FHAD1: variants seen among roughly 807,000 people sequenced by gnomAD.
The protein encoded by FHAD1 is forkhead-associated domain-containing protein 1.
A neutral mutation model predicts 191.3 loss-of-function variants in FHAD1; 146 were observed. The observed-to-expected ratio is 0.76, with a 90% confidence interval of 0.67 to 0.88. FHAD1 has a LOEUF of 0.88. Ranked by LOEUF, FHAD1 falls within the 40% of genes least tolerant of loss-of-function variation. The probability of loss-of-function intolerance (pLI) is 0.00; values close to 1 mark genes in which losing one functional copy is unlikely to be tolerated. For missense variants in FHAD1, 1,635 were observed against 1,785.8 expected (o/e 0.92, Z 1.52); for synonymous variants, 616 against 672.3 (o/e 0.92, Z 1.29).
intron 31 of FHAD1, among the ~76,000 whole-genome samples, chr1:15,386,849 C>CTTTTTTT (rs59453670): frequency 2.2e-4 from 32 of 144,194 alleles, no homozygotes; most frequent in African/African-American, 7.8e-4. Flanking sequence ...TCCTTTCTTT[C>CTTTTTTT]TTTTTTTTTT....
At chr1:15,309,385 C>T (rs913505084) in intron 7 of FHAD1, among the ~76,000 whole-genome samples, 4 of 152,224 alleles carry the variant, frequency 2.6e-5, no homozygotes, top group Non-Finnish European at 5.9e-5. Flanking sequence ...CAGTCAAGAT[C>T]CCTCTGCCCC....
intron 14 of FHAD1, among the ~76,000 whole-genome samples, chr1:15,338,266 G>T (rs1265145536): frequency 6.6e-6 from 1 of 152,164 alleles, no homozygotes; most frequent in African/African-American, 2.4e-5. Context: ...CTGGGCTAAA[G>T]TTCCTTCCGG....
intron 6 of FHAD1, among the ~76,000 whole-genome samples, chr1:15,305,503 C>T (rs1189822575): frequency 2.0e-5 from 3 of 152,184 alleles, no homozygotes; most frequent in Non-Finnish European, 4.4e-5. Context: ...CAAGCAACCT[C>T]ACCCCTCTGA....
At chr1:15,338,015 C>T (rs75509101) in intron 14 of FHAD1, among the ~76,000 whole-genome samples, 2,386 of 152,254 alleles carry the variant, frequency 0.016, 82 homozygotes, top group African/African-American at 0.054. Context: ...AGTGTCACGG[C>T]TTGACCTCAC....
At chr1:15,285,809 G>A (rs888765703) in intron 3 of FHAD1, among the ~76,000 whole-genome samples, 15 of 152,198 alleles carry the variant, frequency 9.9e-5, no homozygotes, top group African/African-American at 3.1e-4. Context: ...AGTGTCCATG[G>A]ACAGATGAAT....
At chr1:15,362,495 G>A (rs1695128499) in intron 22 of FHAD1, 147 bp from the exon 23 acceptor site, 3 of 669,548 alleles carry the variant, frequency 4.5e-6, no homozygotes, top group Non-Finnish European at 8.1e-6. Flanking sequence ...CCCCCAGCCT[G>A]TGACATGGCA....
Position 15,247,240 on chromosome 1 carries a change from C to A in FHAD1, c.-170C>A. ...CTGGCGGCGTTGCCATGGCAACGCG[C>A]GTACACAGGCCGGCCGGGCGGGCGG... is the stretch of plus-strand genomic sequence containing the variant. On this transcript the variant is annotated 5_prime_UTR_variant, in exon 1 of 34. Transcript: ENST00000688493. The A allele has an allele frequency of 5.6e-6, 1 of 177,116 alleles. No homozygotes were observed. The highest frequency in any genetic ancestry group is 7.8e-5 in the South Asian group (1 of 12,802). The allele number at this position is 177,116 out of a possible 1,614,324, so 11.0% of individuals were successfully genotyped here.
intron 4 of FHAD1, among the ~76,000 whole-genome samples, chr1:15,293,577 G>A (rs963245213): frequency 2.0e-5 from 3 of 152,146 alleles, no homozygotes; most frequent in Admixed American, 6.6e-5. Context: ...AATTAGCTGG[G>A]TGTGGTGGCA....
chr1:15,261,877 C>T (rs1007023167), intron 2 of FHAD1, among the ~76,000 whole-genome samples: 7 of 152,134 alleles, frequency 4.6e-5, no homozygotes, highest in African/African-American at 7.2e-5. Flanking sequence ...AGGTGCCTGT[C>T]GTCCCAGGCA....
intron 26 of FHAD1, 67 bp from the exon 27 acceptor site, chr1:15,374,435 T>G: frequency 6.5e-7 from 1 of 1,539,600 alleles, no homozygotes; most frequent in Non-Finnish European, 8.8e-7. Flanking sequence ...ATTGTTCACA[T>G]TTCTGTGAAT....
chr1:15,256,800 C>T (rs1039706148), intron 2 of FHAD1, among the ~76,000 whole-genome samples: 2 of 152,006 alleles, frequency 1.3e-5, no homozygotes, highest in African/African-American at 2.4e-5. Flanking sequence ...GCTAGGAGGG[C>T]GAAGATCATG....
At position 15,317,815 on chromosome 1, in the gene FHAD1, C is replaced by G; in HGVS notation, c.1261-9C>G. The G allele has an allele frequency of 1.3e-6, 2 of 1,549,366 alleles. No homozygotes were observed. Among genetic ancestry groups the G allele is most frequent in the Non-Finnish European group, 1.7e-6 (2 of 1,144,964 alleles). On this transcript the variant is annotated splice_polypyrimidine_tract_variant and intron_variant, in intron 9 of 33. Transcript: ENST00000688493. Reference sequence around the variant, plus strand: ...TCAGGGAGGTTCACTCTTGTTGAAACTTTTTCAGCAAATCCAAGACATGGA... The same window carrying G: ...TCAGGGAGGTTCACTCTTGTTGAAAGTTTTTCAGCAAATCCAAGACATGGA...
At position 15,364,700 on chromosome 1, in the gene FHAD1, C is replaced by A. The variant is rs535443201; in HGVS notation, c.3048-1127C>A. Among the ~76,000 whole-genome samples the A allele has an allele frequency of 8.5e-5, 13 of 152,294 alleles. No individual in the cohort carries two copies. The South Asian group carries it at 2.7e-3, about 32-fold the overall frequency. On this transcript the variant is annotated intron_variant, in intron 23 of 33. Coordinates refer to ENST00000688493, the MANE Select transcript of FHAD1 (RefSeq NM_001391957.1). ...AACTCAAATGAAGTGGCATTAATAC[C>A]TGCAAAGACTAAGGCTCCTAACCCC...
intron 2 of FHAD1, among the ~76,000 whole-genome samples, chr1:15,261,646 T>C (rs986251849): frequency 1.3e-5 from 2 of 152,024 alleles, no homozygotes; most frequent in Non-Finnish European, 2.9e-5. Context: ...AAGGCTCTGA[T>C]TGACAGGAGG....
chr1:15,369,236 T>C (rs1348114722), intron 25 of FHAD1, 134 bp from the exon 26 acceptor site: 8 of 1,103,434 alleles, frequency 7.3e-6, no homozygotes, highest in Admixed American at 5.6e-5. Context: ...TCTAGAAATA[T>C]GGGAACAGGA....
At chr1:15,306,070 A>C (rs1402495199) in intron 6 of FHAD1, among the ~76,000 whole-genome samples, 1 of 152,212 alleles carries the variant, frequency 6.6e-6, no homozygotes, top group Non-Finnish European at 1.5e-5. Flanking sequence ...CTTTGACAAA[A>C]AGCCTGATAG....
At chr1:15,317,140 G>A (rs1334294800) in intron 9 of FHAD1, among the ~76,000 whole-genome samples, 8 of 152,168 alleles carry the variant, frequency 5.3e-5, no homozygotes, top group Non-Finnish European at 8.8e-5. Context: ...GCAGCGAGCC[G>A]AGATCGTGCC....
chr1:15,360,429 C>A, intron 21 of FHAD1, 49 bp from the exon 22 acceptor site: 1 of 1,496,576 alleles, frequency 6.7e-7, no homozygotes, highest in South Asian at 1.2e-5. Context: ...TTATTGTTGC[C>A]GTCATACACA....
At chr1:15,350,812 G>C (rs1331171277) in intron 19 of FHAD1, among the ~76,000 whole-genome samples, 2 of 152,184 alleles carry the variant, frequency 1.3e-5, no homozygotes, top group Non-Finnish European at 2.9e-5. Flanking sequence ...CAGCAGGGTG[G>C]GGGCTGCACA....
Sources: allele counts gnomAD v4.1 joint callset (sites outside exome capture counted in the v4.1 genomes callset), GRCh38; gene constraint gnomAD v4.1.1; transcripts MANE v1.5; gene names NCBI Gene and HGNC (gene_info 2026-07-23, HGNC 2026-07-21).